Variants in PCDHGA3 observed in about 807,000 individuals in gnomAD.
PCDHGA3 encodes the protein protocadherin gamma subfamily A, 3, also known as protocadherin gamma-A3.
Under a neutral mutation model 58.5 loss-of-function variants are expected in PCDHGA3, and 40 were observed. The ratio of observed to expected loss-of-function variants is 0.68; its 90% CI spans 0.53 to 0.89. The LOEUF (loss-of-function observed/expected upper bound fraction) is 0.89, where lower values mean the gene tolerates loss of function less well. Ranked by LOEUF, PCDHGA3 falls within the 40% of genes least tolerant of loss-of-function variation. The probability of loss-of-function intolerance (pLI) is 0.00; values close to 1 mark genes in which losing one functional copy is unlikely to be tolerated. For missense variants in PCDHGA3, 1,223 were observed against 1,195.9 expected, an observed-to-expected ratio of 1.02 and a Z score of -0.33; for synonymous variants, 530 against 525.7, an observed-to-expected ratio of 1.01 and a Z score of -0.11.
At chr5:141,494,365 C>A (rs193174055) in intron 1 of PCDHGA3, among the ~76,000 whole-genome samples, 20 of 152,290 alleles carry the variant, frequency 1.3e-4, no homozygotes, top group Non-Finnish European at 2.2e-4. Context: ...GCAGAGGATG[C>A]TTTGTTCCCA....
At chr5:141,350,361 C>T (rs751339845) in intron 1 of PCDHGA3, 2 of 1,571,214 alleles carry the variant, frequency 1.3e-6, no homozygotes, top group South Asian at 1.2e-5. Context: ...ATCCGATACA[C>T]GATTCCAGAG....
At chr5:141,435,994 G>T (rs1007093302) in intron 1 of PCDHGA3, among the ~76,000 whole-genome samples, 18 of 152,046 alleles carry the variant, frequency 1.2e-4, no homozygotes, top group Admixed American at 1.2e-3. Context: ...GTGATTTTTT[G>T]AAAGAAAGTA....
chr5:141,468,351 A>T (rs1030472813), intron 1 of PCDHGA3: 1 of 149,190 alleles, frequency 6.7e-6, no homozygotes, highest in East Asian at 2.0e-4. Flanking sequence ...AAAAAAAAAG[A>T]AAGAAAAAAG....
At chr5:141,382,896 G>T (rs754850386) in intron 1 of PCDHGA3, 1 of 1,537,674 alleles carries the variant, frequency 6.5e-7, no homozygotes, top group Admixed American at 2.1e-5. Context: ...GAAGCAGGAC[G>T]ACTATGGCGG....
At chr5:141,394,435 C>G (rs1473725556) in intron 1 of PCDHGA3, 1 of 1,614,246 alleles carries the variant, frequency 6.2e-7, no homozygotes, top group Non-Finnish European at 8.5e-7. Flanking sequence ...GGGGACCCGC[C>G]CCTCAGCAGC....
At chr5:141,360,760 C>T (rs1420224824) in intron 1 of PCDHGA3, 2 of 1,613,820 alleles carry the variant, frequency 1.2e-6, no homozygotes, top group East Asian at 4.5e-5. Context: ...CAGTTTACAT[C>T]AATTGGTCCT....
At position 141,406,382 on chromosome 5, in the gene PCDHGA3, G is replaced by A. The variant is rs189693155; in HGVS notation, c.2424+59925G>A. Reference sequence around the variant, plus strand: ...TTTGTAAGGGTAAACTGATAAAAAGGTAAATGTATTCTTCTTAGAGAAACA... The same window carrying A: ...TTTGTAAGGGTAAACTGATAAAAAGATAAATGTATTCTTCTTAGAGAAACA... On this transcript the variant is annotated intron_variant, in intron 1 of 3. Transcript: ENST00000253812. Among the ~76,000 whole-genome samples, 63 of 152,232 alleles carry A rather than the reference G, an allele frequency of 4.1e-4. 1 individual carries two copies. Among genetic ancestry groups the A allele is most frequent in the African/African-American group, 1.4e-3 (60 of 41,554 alleles).
Position 141,394,128 on chromosome 5 carries a change from G to A in PCDHGA3, c.2424+47671G>A, listed in dbSNP as rs371610257. 2.0e-5 allele frequency: 32 copies of A among 1,613,612 alleles called. No homozygotes were observed. The highest frequency in any genetic ancestry group is 4.0e-5 in the African/African-American group (3 of 74,844). ...ACCTCTGTCCACTGAAACTCAAATC[G>A]CTCTGCACGTGGCAGACATTAACGA... On this transcript the variant is annotated intron_variant, in intron 1 of 3. Transcript: ENST00000253812.
chr5:141,414,540 C>G, intron 1 of PCDHGA3: 1 of 1,613,948 alleles, frequency 6.2e-7, no homozygotes. Flanking sequence ...ACCCACCTAC[C>G]TTCTCTCAAG....
At chr5:141,441,730 A>T in intron 1 of PCDHGA3, 1 of 362,750 alleles carries the variant, frequency 2.8e-6, no homozygotes, top group South Asian at 2.2e-5. Context: ...CGCGACCAGG[A>T]CTAGCTCGCG....
intron 1 of PCDHGA3, chr5:141,379,151 G>A (rs1015357697): frequency 4.6e-5 from 7 of 152,166 alleles, no homozygotes; most frequent in Admixed American, 6.5e-5. Flanking sequence ...TTTGTAACCT[G>A]ACTTTGTCAG....
At chr5:141,492,195 CTT>C (rs1240529719) in intron 1 of PCDHGA3, among the ~76,000 whole-genome samples, 1 of 152,242 alleles carries the variant, frequency 6.6e-6, no homozygotes, top group Non-Finnish European at 1.5e-5. Context: ...GTCTGCGGGA[CTT>C]AGGTGTGCGC....
At chr5:141,364,923 A>G (rs1286445808) in intron 1 of PCDHGA3, 1 of 1,613,974 alleles carries the variant, frequency 6.2e-7, no homozygotes, top group Non-Finnish European at 8.5e-7. Context: ...GTGTTGGAAC[A>G]GCCCCTAGAC....
In PCDHGA3 at chr5:141,423,466, G is replaced by T. The variant is rs770939556; in HGVS notation, c.2425-71341G>T. On this transcript the variant is annotated intron_variant, in intron 1 of 3. Coordinates refer to ENST00000253812, the MANE Select transcript of PCDHGA3 (RefSeq NM_018916.4). Reference sequence around the variant, plus strand: ...GTCACATTTTGTAGGCGTGGACGGGGTACAGGCTTTCCTGCAAACCTATTC... The same window carrying T: ...GTCACATTTTGTAGGCGTGGACGGGTTACAGGCTTTCCTGCAAACCTATTC... 6 of 1,614,022 alleles carry T rather than the reference G, an allele frequency of 3.7e-6. No homozygotes were observed. In the Admixed American group the frequency reaches 5.0e-5, roughly 13 times the overall value.
Position 141,409,599 on chromosome 5 carries a change from C to A in PCDHGA3, c.2424+63142C>A, listed in dbSNP as rs753753955. The A allele has an allele frequency of 9.9e-6, 16 of 1,613,822 alleles. No individual in the cohort carries two copies. The Admixed American group carries it at 2.2e-4, about 22-fold the overall frequency. ...GTGGTCCACGTGGCCGAGAACAACC[C>A]GCCAGGAGCCTCCATTGCGCAAGTG... On this transcript the variant is annotated intron_variant, in intron 1 of 3. Transcript: ENST00000253812.
intron 1 of PCDHGA3, chr5:141,409,819 G>A (rs781534809): frequency 1.2e-6 from 2 of 1,610,356 alleles, no homozygotes; most frequent in African/African-American, 2.7e-5. Context: ...ACCACGGCTC[G>A]CCCACGCTCA....
intron 1 of PCDHGA3, among the ~76,000 whole-genome samples, chr5:141,480,259 G>A (rs1285833242): frequency 2.0e-5 from 3 of 151,174 alleles, no homozygotes; most frequent in African/African-American, 7.3e-5. Flanking sequence ...AAAAAAATGT[G>A]TTTTCATTAG....
At chr5:141,375,760 G>A (rs779640846) in intron 1 of PCDHGA3, 3 of 1,614,236 alleles carry the variant, frequency 1.9e-6, no homozygotes, top group African/African-American at 2.7e-5. Context: ...ATGACAATGC[G>A]CCCGAGATCC....
chr5:141,360,825 C>T, intron 1 of PCDHGA3: 1 of 1,613,960 alleles, frequency 6.2e-7, no homozygotes, highest in South Asian at 1.1e-5. Context: ...AAATCCGAAT[C>T]AAAGTCACGG....
Sources: allele counts gnomAD v4.1 joint callset (sites outside exome capture counted in the v4.1 genomes callset), GRCh38; gene constraint gnomAD v4.1.1; transcripts MANE v1.5; gene names NCBI Gene and HGNC (gene_info 2026-07-23, HGNC 2026-07-21).